ANO3: variants seen among roughly 807,000 people sequenced by gnomAD.
The protein encoded by ANO3 is anoctamin-3.
In ANO3, 99 loss-of-function variants were observed where a neutral mutation model predicts 144.8. The observed-to-expected ratio is 0.68, with a 90% CI of 0.58 to 0.81. ANO3 has a LOEUF of 0.81. Among genes scored for constraint, ANO3 ranks in the 30% least tolerant of loss-of-function variants. The pLI, the probability that ANO3 is intolerant of heterozygous loss-of-function variation, is 0.00. For synonymous variants in ANO3, 414 were observed against 392.6 expected (o/e 1.05, Z -0.64); for missense variants, 905 against 1,202.2 (o/e 0.75, Z 3.66).
intron 4 of ANO3, among the ~76,000 whole-genome samples, chr11:26,498,646 G>A (rs1861065567): frequency 6.6e-6 from 1 of 151,176 alleles, no homozygotes; most frequent in Admixed American, 6.6e-5. Flanking sequence ...AGCTTTACAG[G>A]ATCTCTATTG....
intron 10 of ANO3, among the ~76,000 whole-genome samples, chr11:26,538,859 G>A (rs562167194): frequency 1.3e-5 from 2 of 152,192 alleles, no homozygotes; most frequent in African/African-American, 2.4e-5. Context: ...ATTTTCTGTT[G>A]ATTTTAAATG....
chr11:26,349,847 C>G (rs914034620), intron 1 of ANO3, among the ~76,000 whole-genome samples: 2 of 152,104 alleles, frequency 1.3e-5, no homozygotes, highest in African/African-American at 2.4e-5. Flanking sequence ...CACGCCCGGC[C>G]GAGAATTGTT....
At chr11:26,539,150 ACACACAC>A in intron 10 of ANO3, among the ~76,000 whole-genome samples, 1 of 151,594 alleles carries the variant, frequency 6.6e-6, no homozygotes, top group South Asian at 2.1e-4. Flanking sequence ...ACACACACAC[ACACACAC>A]ACACACACAC....
rs763796083 is a variant in ANO3 at position 26,607,022 on chromosome 11, T to C, written c.1836+7308T>C. ...GGAAAGGATTTTATTTCTCCTTTGCTTATGAAGTATAGTTTGACTGGATAT... is the reference window on the plus strand; with the variant it reads ...GGAAAGGATTTTATTTCTCCTTTGCCTATGAAGTATAGTTTGACTGGATAT... On this transcript the variant is annotated intron_variant, in intron 17 of 26. Coordinates refer to ENST00000256737, the MANE Select transcript of ANO3 (RefSeq NM_031418.4). 2.2e-4 allele frequency among the ~76,000 whole-genome samples: 33 copies of C among 152,282 alleles called. No homozygotes were observed. The Middle Eastern group carries it at 0.01, about 47-fold the overall frequency.
At chr11:26,572,570 A>G (rs1041852283) in intron 14 of ANO3, among the ~76,000 whole-genome samples, 3 of 151,892 alleles carry the variant, frequency 2.0e-5, no homozygotes, top group Non-Finnish European at 4.4e-5. Flanking sequence ...ATCATAAACA[A>G]TTTTTCTGTA....
intron 1 of ANO3, among the ~76,000 whole-genome samples, chr11:26,277,767 C>A (rs1056854483): frequency 1.3e-5 from 2 of 151,492 alleles, no homozygotes; most frequent in East Asian, 1.9e-4. Context: ...CAGATTATTT[C>A]TTTTTCCTAC....
At chr11:26,190,029 G>T (rs1019938996) in intron 1 of ANO3, among the ~76,000 whole-genome samples, 2 of 152,080 alleles carry the variant, frequency 1.3e-5, no homozygotes, top group African/African-American at 4.8e-5. Flanking sequence ...AATTAATTGT[G>T]CTTTGTAAAA....
intron 1 of ANO3, among the ~76,000 whole-genome samples, chr11:26,299,184 G>A (rs1446798675): frequency 1.3e-5 from 2 of 152,294 alleles, no homozygotes; most frequent in East Asian, 3.9e-4. Context: ...AAAGGAGGCT[G>A]AAAAGGAGAG....
At chr11:26,276,556 C>T (rs1853564266) in intron 1 of ANO3, among the ~76,000 whole-genome samples, 1 of 152,088 alleles carries the variant, frequency 6.6e-6, no homozygotes. Context: ...AATAAACTTC[C>T]ATAAAATGGA....
chr11:26,533,461 A>G (rs927626520), intron 8 of ANO3, among the ~76,000 whole-genome samples: 2 of 152,208 alleles, frequency 1.3e-5, no homozygotes, highest in African/African-American at 4.8e-5. Context: ...GAGCTGTTAG[A>G]CATATAAAAC....
intron 1 of ANO3, among the ~76,000 whole-genome samples, chr11:26,434,233 T>G (rs186858329): frequency 6.6e-6 from 1 of 152,198 alleles, no homozygotes; most frequent in South Asian, 2.1e-4. Flanking sequence ...TACTCTCTGA[T>G]GGTTACTTTT....
At chr11:26,544,419 T>C (rs1426845317) in intron 11 of ANO3, among the ~76,000 whole-genome samples, 1 of 150,722 alleles carries the variant, frequency 6.6e-6, no homozygotes, top group East Asian at 2.0e-4. Flanking sequence ...AGAATAGTAG[T>C]TACCGAAGGC....
chr11:26,265,711 C>A (rs558164151), intron 1 of ANO3, among the ~76,000 whole-genome samples: 69 of 152,256 alleles, frequency 4.5e-4, no homozygotes, highest in African/African-American at 1.6e-3. Flanking sequence ...TTCTAGCACA[C>A]GTAATGGTGG....
At chr11:26,614,166 C>A (rs769199050) in intron 17 of ANO3, among the ~76,000 whole-genome samples, 8 of 152,148 alleles carry the variant, frequency 5.3e-5, no homozygotes, top group Non-Finnish European at 7.3e-5. Flanking sequence ...CAGGTTGAAG[C>A]AGTTGTTTCT....
chr11:26,549,190 AATT>A (rs1042476631), intron 12 of ANO3, among the ~76,000 whole-genome samples: 58 of 152,032 alleles, frequency 3.8e-4, no homozygotes, highest in African/African-American at 1.2e-3. Flanking sequence ...TGTATGAGAT[AATT>A]ATTCTCTAAC....
chr11:26,463,184 G>C, intron 4 of ANO3, 36 bp downstream of exon 4: 1 of 1,143,368 alleles, frequency 8.7e-7, no homozygotes, highest in Non-Finnish European at 1.3e-6. Flanking sequence ...GTCATTTTTA[G>C]AGCATCATTT....
chr11:26,207,522 C>A (rs1851829411), intron 1 of ANO3, among the ~76,000 whole-genome samples: 1 of 152,026 alleles, frequency 6.6e-6, no homozygotes, highest in Admixed American at 6.5e-5. Context: ...ATAATAATTA[C>A]TCATTAAGTA....
intron 1 of ANO3, among the ~76,000 whole-genome samples, chr11:26,211,545 A>T (rs893707878): frequency 6.6e-6 from 1 of 152,206 alleles, no homozygotes; most frequent in African/African-American, 2.4e-5. Context: ...GGCAATCATT[A>T]AAACATCAGA....
At chr11:26,302,081 GT>G (rs1333217758) in intron 1 of ANO3, among the ~76,000 whole-genome samples, 1 of 152,196 alleles carries the variant, frequency 6.6e-6, no homozygotes, top group African/African-American at 2.4e-5. Context: ...CAGTCTTCCA[GT>G]CATCATGTGC....
Sources: allele counts gnomAD v4.1 joint callset (sites outside exome capture counted in the v4.1 genomes callset), GRCh38; gene constraint gnomAD v4.1.1; transcripts MANE v1.5; gene names NCBI Gene and HGNC (gene_info 2026-07-23, HGNC 2026-07-21).